Variants in FUT8 observed in about 807,000 individuals in gnomAD.
The protein encoded by FUT8 is fucosyltransferase 8, also known as alpha-(1,6)-fucosyltransferase.
Under a neutral mutation model 71.3 loss-of-function variants are expected in FUT8, and 29 were observed. The ratio of observed to expected loss-of-function variants is 0.41; its 90% CI spans 0.30 to 0.55. The LOEUF is 0.55. Ranked by LOEUF, FUT8 falls within the 20% of genes least tolerant of loss-of-function variation. FUT8 has a pLI of 0.34. For synonymous variants in FUT8, 254 were observed against 239.3 expected (o/e 1.06, Z -0.57); for missense variants, 544 against 702.1 (o/e 0.77, Z 2.55).
intron 2 of FUT8, among the ~76,000 whole-genome samples, chr14:65,527,492 C>A (rs1883570767): frequency 6.6e-6 from 1 of 152,156 alleles, no homozygotes; most frequent in South Asian, 2.1e-4. Context: ...TTTTTAGCTT[C>A]TTTGTGATGG....
chr14:65,448,649 G>A (rs535987163), intron 1 of FUT8, among the ~76,000 whole-genome samples: 3 of 152,066 alleles, frequency 2.0e-5, no homozygotes, highest in Non-Finnish European at 4.4e-5. Context: ...CTGTTCTCAT[G>A]GTGTGCCCAA....
At chr14:65,653,170 G>C (rs1296169116) in intron 6 of FUT8, among the ~76,000 whole-genome samples, 1 of 152,116 alleles carries the variant, frequency 6.6e-6, no homozygotes, top group African/African-American at 2.4e-5. Context: ...CTCCTCTCTT[G>C]GTGGAGAGGG....
At chr14:65,468,185 G>A (rs1419228655) in intron 2 of FUT8, 5 of 635,226 alleles carry the variant, frequency 7.9e-6, no homozygotes, top group Non-Finnish European at 1.2e-5. Flanking sequence ...TAACACTCGC[G>A]GAGCATTCCT....
Position 65,743,292 on chromosome 14 carries a change from C to T in FUT8, c.*882C>T, listed in dbSNP as rs1896593593. The T allele has an allele frequency of 6.6e-6, 1 of 151,774 alleles. No homozygotes were observed. The highest frequency in any genetic ancestry group is 1.5e-5 in the Non-Finnish European group (1 of 67,882). 9.4% of individuals were successfully genotyped at this position (151,774 alleles called of 1,614,324 possible). A position where few individuals can be genotyped will look rare whatever the true frequency, so the allele number is the denominator to read the frequency against. Reference sequence around the variant, plus strand: ...TTCTGATATAGTAACTAATTCTTAACTCAGAGACATTGGTCCATTTTAATA... The same window carrying T: ...TTCTGATATAGTAACTAATTCTTAATTCAGAGACATTGGTCCATTTTAATA... On this transcript the variant is annotated 3_prime_UTR_variant, in exon 11 of 11. Coordinates refer to ENST00000673929, the MANE Select transcript of FUT8 (RefSeq NM_001371533.1).
chr14:65,452,050 A>G (rs1350869415), intron 1 of FUT8, among the ~76,000 whole-genome samples: 1 of 152,200 alleles, frequency 6.6e-6, no homozygotes, highest in African/African-American at 2.4e-5. Flanking sequence ...GTTCCTGTCA[A>G]TAATATGCAT....
intron 7 of FUT8, among the ~76,000 whole-genome samples, chr14:65,677,057 C>T (rs1431021007): frequency 6.6e-6 from 1 of 150,934 alleles, no homozygotes; most frequent in African/African-American, 2.4e-5. Context: ...GGTTGTTACT[C>T]AGTAAGAAAG....
intron 7 of FUT8, among the ~76,000 whole-genome samples, chr14:65,693,372 C>T (rs956473065): frequency 1.1e-4 from 16 of 152,016 alleles, no homozygotes; most frequent in African/African-American, 2.4e-4. Flanking sequence ...TCAGGCGTGG[C>T]GGCGCGCGCC....
At chr14:65,722,598 C>T (rs1304952008) in intron 8 of FUT8, among the ~76,000 whole-genome samples, 1 of 152,158 alleles carries the variant, frequency 6.6e-6, no homozygotes, top group African/African-American at 2.4e-5. Context: ...AATCGTATTT[C>T]TTCTCATGTA....
chr14:65,650,793 T>A (rs934108326), intron 6 of FUT8, among the ~76,000 whole-genome samples: 4 of 151,854 alleles, frequency 2.6e-5, no homozygotes, highest in Non-Finnish European at 5.9e-5. Flanking sequence ...TTTTACTTCC[T>A]ATATATCCCA....
intron 3 of FUT8, among the ~76,000 whole-genome samples, chr14:65,584,431 C>T (rs898189812): frequency 2.0e-5 from 3 of 152,184 alleles, no homozygotes; most frequent in South Asian, 2.1e-4. Flanking sequence ...CTGCCCGCCT[C>T]GGCCTCCCAA....
At chr14:65,429,342 C>T (rs2065434081) in intron 1 of FUT8, among the ~76,000 whole-genome samples, 1 of 152,118 alleles carries the variant, frequency 6.6e-6, no homozygotes, top group African/African-American at 2.4e-5. Context: ...TGATAACCCA[C>T]AGAGCAGACA....
intron 2 of FUT8, among the ~76,000 whole-genome samples, chr14:65,521,097 G>A (rs1226605500): frequency 6.6e-6 from 1 of 152,042 alleles, no homozygotes; most frequent in Admixed American, 6.6e-5. Context: ...ATTTTAAAGT[G>A]AGATAGTTTA....
intron 7 of FUT8, among the ~76,000 whole-genome samples, chr14:65,699,186 A>G (rs1322109193): frequency 1.4e-5 from 2 of 145,946 alleles, no homozygotes. Context: ...ACACACACAC[A>G]CACACACACA....
chr14:65,436,795 G>A (rs1179691574), intron 1 of FUT8, among the ~76,000 whole-genome samples: 1 of 152,058 alleles, frequency 6.6e-6, no homozygotes, highest in Non-Finnish European at 1.5e-5. Context: ...GTGCAGTGTA[G>A]CAGTCTGGGC....
chr14:65,515,039 AT>A (rs1236978287), intron 2 of FUT8, among the ~76,000 whole-genome samples: 1 of 152,294 alleles, frequency 6.6e-6, no homozygotes, highest in East Asian at 1.9e-4. Flanking sequence ...GAATCAAATT[AT>A]TTTGTCTTTC....
intron 3 of FUT8, among the ~76,000 whole-genome samples, chr14:65,566,809 A>G (rs1886220330): frequency 6.6e-6 from 1 of 151,944 alleles, no homozygotes; most frequent in Non-Finnish European, 1.5e-5. Flanking sequence ...TAAAAAATTT[A>G]GAAATTATCA....
intron 2 of FUT8, among the ~76,000 whole-genome samples, chr14:65,487,502 G>T (rs1341762122): frequency 6.7e-6 from 1 of 149,128 alleles, no homozygotes; most frequent in Non-Finnish European, 1.5e-5. Flanking sequence ...GGCAGAGGTT[G>T]CAGTGAGCAG....
intron 2 of FUT8, among the ~76,000 whole-genome samples, chr14:65,477,160 G>A (rs1192854892): frequency 6.6e-6 from 1 of 152,192 alleles, no homozygotes; most frequent in East Asian, 1.9e-4. Flanking sequence ...TAAAGCAGGT[G>A]TGTGGTCTGA....
At chr14:65,504,041 T>A (rs2066687510) in intron 2 of FUT8, among the ~76,000 whole-genome samples, 1 of 152,154 alleles carries the variant, frequency 6.6e-6, no homozygotes, top group Non-Finnish European at 1.5e-5. Context: ...AGTTGAAGAG[T>A]TGTAAATATG....
Sources: allele counts gnomAD v4.1 joint callset (sites outside exome capture counted in the v4.1 genomes callset), GRCh38; gene constraint gnomAD v4.1.1; transcripts MANE v1.5; gene names NCBI Gene and HGNC (gene_info 2026-07-23, HGNC 2026-07-21).